The following UGT2B28 variants were observed in gnomAD, a reference collection of about 807,000 sequenced individuals.
UGT2B28 encodes UDP glucuronosyltransferase family 2 member B28.
UGT2B28 carries 45 observed loss-of-function variants against 43.6 expected under a neutral mutation model. That is an observed-to-expected ratio of 1.03 (90% CI 0.81 to 1.32). The LOEUF (loss-of-function observed/expected upper bound fraction) is 1.32, where lower values mean the gene tolerates loss of function less well. Ranked by LOEUF, UGT2B28 falls within the 40% of genes most tolerant of loss-of-function variation. The pLI, the probability that UGT2B28 is intolerant of heterozygous loss-of-function variation, is 0.00. For missense variants in UGT2B28, 649 were observed against 625.5 expected, an observed-to-expected ratio of 1.04 and a Z score of -0.40; for synonymous variants, 204 against 208.1, an observed-to-expected ratio of 0.98 and a Z score of 0.17.
Position 69,286,825 on chromosome 4 carries a change from A to C in UGT2B28, c.944A>C (p.Asn315Thr). Reference protein sequence around the residue: ...VVFSLGSVISNMTAERANVIA... With the variant: ...VVFSLGSVISTMTAERANVIA... ...TTTTCTCTGGGGTCAGTGATAAGTA[A>C]CATGACAGCAGAAAGGGCCAACGTA... The change falls in exon 3 of 6, where the codon AAC becomes ACC. Residue 315 changes from asparagine (N) to threonine (T), a missense_variant. Transcript: ENST00000335568. 1.3e-6 allele frequency: 2 copies of C among 1,557,194 alleles called. 1 individual carries two copies. Among genetic ancestry groups the C allele is most frequent in the Non-Finnish European group, 1.7e-6 (2 of 1,154,672 alleles).
In UGT2B28 at chr4:69,286,766, T is replaced by C. The variant is rs1723786903; in HGVS notation, c.885T>C (p.Phe295=). The change falls in exon 3 of 6, where the codon TTT becomes TTC. Residue 295 remains phenylalanine (F), a synonymous_variant. Transcript: ENST00000335568. ...AKPLPKEMEE[F]VQSSGENGVV... ...TTTTTTCACAGGAAATGGAGGAATT[T>C]GTACAGAGCTCTGGTGAAAATGGTG... The C allele has an allele frequency of 3.2e-6, 5 of 1,555,436 alleles. 1 individual carries two copies. Among genetic ancestry groups the C allele is most frequent in the East Asian group, 4.6e-5 (2 of 43,518 alleles).
At chr4:69,289,850 G>A in intron 4 of UGT2B28, 98 bp downstream of exon 4, 1 of 1,260,276 alleles carries the variant, frequency 7.9e-7, no homozygotes, top group Non-Finnish European at 1.1e-6. Flanking sequence ...TTTATTATAG[G>A]AAAACAAAAA....
chr4:69,291,175 C>T (rs1723945415), intron 5 of UGT2B28, among the ~76,000 whole-genome samples: 2 of 140,404 alleles, frequency 1.4e-5, no homozygotes, highest in South Asian at 2.4e-4. Context: ...CAGAATATAA[C>T]TATTTTCTTG....
At position 69,289,723 on chromosome 4, in the gene UGT2B28, A is replaced by G. The variant is rs554734035; in HGVS notation, c.1061A>G (p.Tyr354Cys). 100 of 1,562,420 alleles carry G rather than the reference A, an allele frequency of 6.4e-5. 11 individuals are homozygous for G. In the East Asian group the frequency reaches 1.6e-3, roughly 24 times the overall value. ...GCCTTAGGTCTCAATACTCGGCTGT[A>G]TAAGTGGATACCCCAGAATGACCTT... Reference protein sequence around the residue: ...PDALGLNTRLYKWIPQNDLLG... With the variant: ...PDALGLNTRLCKWIPQNDLLG... The change falls in exon 4 of 6, where the codon TAT becomes TGT. Residue 354 changes from tyrosine to cysteine, a missense_variant. By Grantham distance (194) the Tyr-to-Cys change is radical. Transcript: ENST00000335568.
At position 69,294,818 on chromosome 4, in the gene UGT2B28, G is replaced by A. The variant is rs1406813509; in HGVS notation, c.*9G>A. On this transcript the variant is annotated 3_prime_UTR_variant, in exon 6 of 6. Transcript: ENST00000335568. Reference sequence around the variant, plus strand: ...AGGGAAAAAGAGATTAGTTATGTCTGACATTTGAAGCTGGAAAACCAGATA... The same window carrying A: ...AGGGAAAAAGAGATTAGTTATGTCTAACATTTGAAGCTGGAAAACCAGATA... 2 of 1,536,354 alleles carry A rather than the reference G, an allele frequency of 1.3e-6. No homozygotes were observed. Among genetic ancestry groups the A allele is most frequent in the African/African-American group, 1.5e-5 (1 of 64,920 alleles).
chr4:69,281,260 T>C, intron 1 of UGT2B28, 39 bp downstream of exon 1: 1 of 1,458,212 alleles, frequency 6.9e-7, no homozygotes, highest in Non-Finnish European at 9.0e-7. Flanking sequence ...AGATCTAACT[T>C]ATTTGTGTCT....
At chr4:69,285,169 G>A (rs1389755019) in intron 2 of UGT2B28, among the ~76,000 whole-genome samples, 1 of 139,108 alleles carries the variant, frequency 7.2e-6, no homozygotes, top group African/African-American at 2.8e-5. Context: ...CAATAAGATT[G>A]AAATTTTCTA....
At chr4:69,285,826 C>T (rs1433674017) in intron 2 of UGT2B28, among the ~76,000 whole-genome samples, 2 of 141,028 alleles carry the variant, frequency 1.4e-5, no homozygotes, top group Non-Finnish European at 3.0e-5. Flanking sequence ...GTGAGCTACT[C>T]AAAAGAGAGA....
At position 69,285,245 on chromosome 4, in the gene UGT2B28, A is replaced by G. The variant is rs1723736258; in HGVS notation, c.871-1507A>G. Reference sequence around the variant, plus strand: ...CAAAATCCATAATAAAAAAATACATATTTTCTATAAATAATATCTCTAGGT... The same window carrying G: ...CAAAATCCATAATAAAAAAATACATGTTTTCTATAAATAATATCTCTAGGT... On this transcript the variant is annotated intron_variant, in intron 2 of 5. Transcript: ENST00000335568. Among the ~76,000 whole-genome samples, 2 of 140,456 alleles carry G rather than the reference A, an allele frequency of 1.4e-5. 1 individual carries two copies. Among genetic ancestry groups the G allele is most frequent in the Non-Finnish European group, 3.0e-5 (2 of 65,846 alleles). The allele number at this position is 140,456 out of a possible 152,430, so 92.1% of individuals were successfully genotyped here.
chr4:69,282,486 C>T lies in UGT2B28; in HGVS notation c.722-28C>T, dbSNP rs532067448. 6.5e-6 allele frequency: 10 copies of T among 1,529,552 alleles called. No homozygotes were observed. The East Asian group carries it at 1.6e-4, about 25-fold the overall frequency. 94.7% of individuals were successfully genotyped at this position (1,529,552 alleles called of 1,614,324 possible). A position where few individuals can be genotyped will look rare whatever the true frequency, so the allele number is the denominator to read the frequency against. On this transcript the variant is annotated intron_variant, in intron 1 of 5. Transcript: ENST00000335568. ...TGTAAAGTAATTATCTTACATCATC[C>T]ACTTTTTCTTTTCTTTATTCCTGTC...
Position 69,290,674 on chromosome 4 carries a change from A to G in UGT2B28, c.1173A>G (p.Val391=), listed in dbSNP as rs10013145. 800,088 of 1,556,048 alleles carry G rather than the reference A, an allele frequency of 0.51. 260,590 individuals carry two copies. Among genetic ancestry groups the G allele is most frequent in the Non-Finnish European group, 0.54 (621,181 of 1,153,360 alleles). ...CAATCTACCATGGGATCCCTATGGT[A>G]GGCATTCCATTGTTTTGGGATCAAC... ...YEAIYHGIPM[V]GIPLFWDQPD... is the part of the protein sequence containing the mutation. Residue 391 remains valine, a synonymous_variant, in exon 5 of 6, where the codon GTA becomes GTG. Coordinates refer to ENST00000335568, the MANE Select transcript of UGT2B28 (RefSeq NM_053039.2).
Position 69,292,993 on chromosome 4 carries a change from G to GTA in UGT2B28, c.1311-1534_1311-1533dup, listed in dbSNP as rs936022002. 5.0e-5 allele frequency among the ~76,000 whole-genome samples: 7 copies of GTA among 140,252 alleles called. 2 individuals carry two copies. The highest frequency in any genetic ancestry group is 1.1e-4 in the Non-Finnish European group (7 of 65,622). The allele number at this position is 140,252 out of a possible 152,430, so 92.0% of individuals were successfully genotyped here. A position where few individuals can be genotyped will look rare whatever the true frequency, so the allele number is the denominator to read the frequency against. ...TACATAAATATATAAATCTAATGCT[G>GTA]TATAGCAGAGTGTTCATGAGAGAAT... On this transcript the variant is annotated intron_variant, in intron 5 of 5. Coordinates refer to ENST00000335568, the MANE Select transcript of UGT2B28 (RefSeq NM_053039.2).
chr4:69,285,262 T>A (rs1723737009), intron 2 of UGT2B28, among the ~76,000 whole-genome samples: 1 of 140,428 alleles, frequency 7.1e-6, no homozygotes, highest in African/African-American at 2.8e-5. Flanking sequence ...ATAAATAATA[T>A]CTCTAGGTAG....
intron 5 of UGT2B28, among the ~76,000 whole-genome samples, chr4:69,292,326 G>C (rs1290474799): frequency 7.2e-6 from 1 of 139,844 alleles, no homozygotes; most frequent in Non-Finnish European, 1.5e-5. Flanking sequence ...TAAAGTTTTT[G>C]TGTAAGGAGG....
Position 69,281,594 on chromosome 4 carries a change from C to G in UGT2B28, c.721+373C>G, listed in dbSNP as rs1246787813. ...TTAGAATGAGTAATTACACATTTTT[C>G]TACAACTATCTATATAACTGCAGAA... On this transcript the variant is annotated intron_variant, in intron 1 of 5. Coordinates refer to ENST00000335568, the MANE Select transcript of UGT2B28 (RefSeq NM_053039.2). 1.4e-5 allele frequency among the ~76,000 whole-genome samples: 2 copies of G among 140,882 alleles called. 1 individual carries two copies. The highest frequency in any genetic ancestry group is 5.5e-5 in the African/African-American group (2 of 36,160). The allele number at this position is 140,882 out of a possible 152,430, so 92.4% of individuals were successfully genotyped here.
At chr4:69,293,437 A>G (rs1049509152) in intron 5 of UGT2B28, among the ~76,000 whole-genome samples, 3 of 140,292 alleles carry the variant, frequency 2.1e-5, no homozygotes, top group African/African-American at 8.3e-5. Context: ...TTAAATGTAT[A>G]TTTTATGAGA....
In UGT2B28 at chr4:69,282,790, T is replaced by C. The variant is rs759159420; in HGVS notation, c.870+128T>C. ...TGGGAAGTAGGTGGTGTAAAGCAGA[T>C]ACCAAATAGAAACTCATGTATATGT... On this transcript the variant is annotated intron_variant, in intron 2 of 5. Coordinates refer to ENST00000335568, the MANE Select transcript of UGT2B28 (RefSeq NM_053039.2). The C allele has an allele frequency of 5.2e-6, 7 of 1,349,242 alleles. 2 individuals are homozygous for C. Among genetic ancestry groups the C allele is most frequent in the South Asian group, 4.9e-5 (3 of 61,746 alleles). 83.6% of individuals were successfully genotyped at this position (1,349,242 alleles called of 1,614,324 possible). A position where few individuals can be genotyped will look rare whatever the true frequency, so the allele number is the denominator to read the frequency against.
chr4:69,293,475 A>G (rs1352405903), intron 5 of UGT2B28, among the ~76,000 whole-genome samples: 13 of 139,926 alleles, frequency 9.3e-5, no homozygotes, highest in Non-Finnish European at 2.0e-4. Flanking sequence ...AAATTCTAGG[A>G]ATCAGATAGA....
At chr4:69,285,665 G>A (rs1242323586) in intron 2 of UGT2B28, among the ~76,000 whole-genome samples, 1 of 140,976 alleles carries the variant, frequency 7.1e-6, no homozygotes, top group Non-Finnish European at 1.5e-5. Context: ...TCTTTGTTTT[G>A]TTAAAAACCA....
Sources: gnomAD v4.1 joint callset for allele counts (sites outside exome capture counted in the v4.1 genomes callset) on GRCh38, gnomAD v4.1.1 for gene constraint, MANE v1.5 for transcripts, NCBI Gene and HGNC (gene_info 2026-07-23, HGNC 2026-07-21) for gene names.